Variants in PCNX1 observed in about 807,000 individuals in gnomAD.
PCNX1 encodes pecanex-like protein 1.
In PCNX1, 78 loss-of-function variants were observed where a neutral mutation model predicts 242.2. That is an observed-to-expected ratio of 0.32 (90% CI 0.27 to 0.39). The LOEUF is 0.39. PCNX1 is among the 10% of genes least tolerant of loss of function. PCNX1 has a pLI of 1.00. For missense variants in PCNX1, 2,581 were observed against 2,856.5 expected, an observed-to-expected ratio of 0.90 and a Z score of 2.20; for synonymous variants, 1,024 against 1,032.9, an observed-to-expected ratio of 0.99 and a Z score of 0.17.
rs10147840 is a variant in PCNX1, at chr14:71,083,503, G to A, written c.5338-4827G>A. On this transcript the variant is annotated intron_variant, in intron 28 of 35. Transcript: ENST00000304743. ...AGGTACACCAATCAAATGTAGGTTTGGTCTTTTCACATAGTCCCATATTTC... is the reference window on the plus strand; with the variant it reads ...AGGTACACCAATCAAATGTAGGTTTAGTCTTTTCACATAGTCCCATATTTC... 8.3e-3 allele frequency among the ~76,000 whole-genome samples: 1,268 copies of A among 152,094 alleles called. 10 individuals carry two copies. Among genetic ancestry groups the A allele is most frequent in the African/African-American group, 0.029 (1,194 of 41,470 alleles).
chr14:70,976,174 G>A (rs1480347274), intron 5 of PCNX1, among the ~76,000 whole-genome samples: 4 of 152,102 alleles, frequency 2.6e-5, no homozygotes, highest in Admixed American at 2.0e-4. Context: ...ACGGCATTGT[G>A]TCAAGCAATA....
chr14:70,963,843 G>T (rs1441667712), intron 3 of PCNX1, among the ~76,000 whole-genome samples: 1 of 152,108 alleles, frequency 6.6e-6, no homozygotes, highest in Non-Finnish European at 1.5e-5. Flanking sequence ...TTTACTTAAA[G>T]AATACAGATA....
intron 16 of PCNX1, chr14:71,031,879 C>A (rs977880953): frequency 6.9e-7 from 1 of 1,453,616 alleles, no homozygotes; most frequent in African/African-American, 1.4e-5. Context: ...TTTCACAGCA[C>A]GAGCAGATTT....
chr14:71,109,140 C>A (rs909861939), intron 34 of PCNX1, 94 bp downstream of exon 34: 9 of 1,049,650 alleles, frequency 8.6e-6, no homozygotes, highest in Middle Eastern at 4.2e-4. Context: ...GAATACACAC[C>A]TTATCTTAGT....
At chr14:71,086,801 G>T (rs2062003689) in intron 28 of PCNX1, among the ~76,000 whole-genome samples, 1 of 152,106 alleles carries the variant, frequency 6.6e-6, no homozygotes, top group African/African-American at 2.4e-5. Flanking sequence ...TTGTGCTGTG[G>T]TCTGGAAACT....
chr14:70,938,034 A>T (rs537360059), intron 1 of PCNX1, among the ~76,000 whole-genome samples: 1 of 152,254 alleles, frequency 6.6e-6, no homozygotes, highest in Non-Finnish European at 1.5e-5. Context: ...TTTTGGGCTC[A>T]GACGATAGGG....
intron 28 of PCNX1, among the ~76,000 whole-genome samples, chr14:71,080,206 G>T (rs754991922): frequency 1.3e-5 from 2 of 152,058 alleles, no homozygotes; most frequent in Non-Finnish European, 2.9e-5. Flanking sequence ...TATTTCTGAG[G>T]CCTCTGTTCT....
chr14:71,071,660 C>T (rs978032277), intron 26 of PCNX1, among the ~76,000 whole-genome samples: 1 of 152,184 alleles, frequency 6.6e-6, no homozygotes, highest in African/African-American at 2.4e-5. Context: ...ACTTCCTGTA[C>T]AGTCTGCAGA....
intron 19 of PCNX1, 149 bp downstream of exon 19, chr14:71,036,306 C>G (rs769541570): frequency 1.8e-6 from 1 of 556,048 alleles, no homozygotes; most frequent in Middle Eastern, 4.1e-4. Flanking sequence ...GCTAGGACTA[C>G]AGTTGTGCAC....
chr14:71,079,414 C>T (rs547881720), intron 28 of PCNX1, among the ~76,000 whole-genome samples: 24 of 152,272 alleles, frequency 1.6e-4, no homozygotes, highest in Non-Finnish European at 2.8e-4. Flanking sequence ...CTTGGGGAAT[C>T]GCCACTCTAT....
rs563192548 is a variant in PCNX1, at chr14:71,014,162, A to G, written c.2996+960A>G. On this transcript the variant is annotated intron_variant, in intron 11 of 35. Transcript: ENST00000304743. ...GTTCATATTTTATGGTGCCTTGTGT[A>G]GAATACTCAGGAAGATATTTAAAAG... 3.3e-5 allele frequency among the ~76,000 whole-genome samples: 5 copies of G among 152,332 alleles called. No individual in the cohort carries two copies. The East Asian group carries it at 9.6e-4, about 29-fold the overall frequency.
intron 1 of PCNX1, among the ~76,000 whole-genome samples, chr14:70,909,962 T>A (rs1469470650): frequency 2.0e-5 from 3 of 151,200 alleles, no homozygotes; most frequent in Non-Finnish European, 2.9e-5. Context: ...GGTTTTAGAG[T>A]TCTCAGCCAC....
intron 6 of PCNX1, among the ~76,000 whole-genome samples, chr14:70,985,159 G>T (rs1318336075): frequency 6.6e-6 from 1 of 152,048 alleles, no homozygotes; most frequent in Admixed American, 6.6e-5. Flanking sequence ...TATAACAAAA[G>T]GAAACAGCTA....
intron 6 of PCNX1, among the ~76,000 whole-genome samples, chr14:70,983,593 G>A (rs2058909898): frequency 6.6e-6 from 1 of 151,620 alleles, no homozygotes; most frequent in South Asian, 2.1e-4. Flanking sequence ...GTGAGCCACC[G>A]TGCCCACCCA....
intron 7 of PCNX1, among the ~76,000 whole-genome samples, chr14:70,989,534 A>ATTTTT (rs34767376): frequency 4.7e-5 from 6 of 126,360 alleles, no homozygotes; most frequent in Non-Finnish European, 6.5e-5. Flanking sequence ...ACAGATATAA[A>ATTTTT]TTTTTTTTTT....
chr14:71,025,655 A>C (rs1227465861), intron 13 of PCNX1, among the ~76,000 whole-genome samples: 1 of 152,122 alleles, frequency 6.6e-6, no homozygotes, highest in Non-Finnish European at 1.5e-5. Context: ...ATGTGGGCAG[A>C]TCACTTGAGA....
At position 70,977,993 on chromosome 14, in the gene PCNX1, G is replaced by T; in HGVS notation, c.1656G>T (p.Arg552=). The T allele has an allele frequency of 6.2e-7, 1 of 1,614,116 alleles. No individual in the cohort carries two copies. The highest frequency in any genetic ancestry group is 2.2e-5 in the East Asian group (1 of 44,876). ...CTAAATCTTCTAGCGTAATCCATCGGACAGCTTCTGCCCACAAGTCAGGCA... is the reference window on the plus strand; with the variant it reads ...CTAAATCTTCTAGCGTAATCCATCGTACAGCTTCTGCCCACAAGTCAGGCA... The part of the protein sequence containing the change: ...VRPKSSSVIH[R]TASAHKSGRR... The change falls in exon 6 of 36, where the codon CGG becomes CGT. Residue 552 remains arginine (R), a synonymous_variant. Coordinates refer to ENST00000304743, the MANE Select transcript of PCNX1 (RefSeq NM_014982.3).
intron 20 of PCNX1, 99 bp from the exon 21 acceptor site, chr14:71,046,865 T>C: frequency 2.4e-6 from 2 of 818,898 alleles, no homozygotes; most frequent in Non-Finnish European, 3.7e-6. Flanking sequence ...AGTTTATTTG[T>C]AGTTTGGTAC....
intron 15 of PCNX1, among the ~76,000 whole-genome samples, chr14:71,027,656 A>G (rs2060274355): frequency 6.6e-6 from 1 of 151,954 alleles, no homozygotes; most frequent in Non-Finnish European, 1.5e-5. Context: ...AAGCATATGC[A>G]TTGAAATCCT....
Sources: allele counts gnomAD v4.1 joint callset (sites outside exome capture counted in the v4.1 genomes callset), GRCh38; gene constraint gnomAD v4.1.1; transcripts MANE v1.5; gene names NCBI Gene and HGNC (gene_info 2026-07-23, HGNC 2026-07-21).